Variants in GRM5 observed in about 807,000 individuals in gnomAD.
The protein encoded by GRM5 is glutamate metabotropic receptor 5, also known as metabotropic glutamate receptor 5.
GRM5 carries 19 observed loss-of-function variants against 83.1 expected under a neutral mutation model. The ratio of observed to expected loss-of-function variants is 0.23; its 90% confidence interval spans 0.16 to 0.34. GRM5 has a LOEUF of 0.34. Ranked by LOEUF, GRM5 falls within the 10% of genes least tolerant of loss-of-function variation. The pLI, the probability that GRM5 is intolerant of heterozygous loss-of-function variation, is 1.00. For missense variants in GRM5, 1,160 were observed against 1,588.3 expected (o/e 0.73, Z 4.58); for synonymous variants, 675 against 633.6 (o/e 1.07, Z -0.98).
At chr11:88,540,646 G>A (rs77658305) in intron 8 of GRM5, among the ~76,000 whole-genome samples, 13,972 of 152,080 alleles carry the variant, frequency 0.092, 1,219 homozygotes, top group African/African-American at 0.22. Flanking sequence ...TTCATGACAC[G>A]GGGAGGAGGG....
chr11:88,843,955 C>G lies in GRM5; in HGVS notation c.911+5951G>C, dbSNP rs1408631064. 2.6e-5 allele frequency among the ~76,000 whole-genome samples: 4 copies of G among 152,184 alleles called. No individual in the cohort carries two copies. The East Asian group carries it at 7.7e-4, about 29-fold the overall frequency. On this transcript the variant is annotated intron_variant, in intron 3 of 9. Transcript: ENST00000305447. Reference sequence around the variant, plus strand: ...TGTGTAAAGCTAGCAGAGGTTATTTCACGAGGTTGAAGACAGGAAACTGTC... The same window carrying G: ...TGTGTAAAGCTAGCAGAGGTTATTTGACGAGGTTGAAGACAGGAAACTGTC...
At chr11:88,620,375 G>A (rs1320539902) in intron 4 of GRM5, among the ~76,000 whole-genome samples, 1 of 152,164 alleles carries the variant, frequency 6.6e-6, no homozygotes, top group Non-Finnish European at 1.5e-5. Context: ...TAGAAAATCA[G>A]CACTATGTGG....
intron 3 of GRM5, among the ~76,000 whole-genome samples, chr11:88,684,444 T>C (rs935981023): frequency 2.6e-5 from 4 of 152,106 alleles, no homozygotes; most frequent in African/African-American, 9.7e-5. Flanking sequence ...GAAGTGCAAA[T>C]GTTAGCGATA....
intron 2 of GRM5, among the ~76,000 whole-genome samples, chr11:88,907,779 T>A (rs1945429981): frequency 6.6e-6 from 1 of 152,172 alleles, no homozygotes; most frequent in African/African-American, 2.4e-5. Flanking sequence ...TGAAAACTAG[T>A]AATTCAGAAA....
chr11:88,779,522 T>A (rs1034441612), intron 3 of GRM5, among the ~76,000 whole-genome samples: 3 of 152,078 alleles, frequency 2.0e-5, no homozygotes, highest in Non-Finnish European at 4.4e-5. Flanking sequence ...TATCTGAAAA[T>A]TTCAATAACA....
intron 2 of GRM5, among the ~76,000 whole-genome samples, chr11:88,962,943 G>T (rs1393856243): frequency 2.6e-5 from 4 of 152,154 alleles, no homozygotes; most frequent in Admixed American, 6.5e-5. Context: ...ACAAAAATTA[G>T]CCAGGCATGG....
At chr11:88,740,410 T>G (rs1565209192) in intron 3 of GRM5, among the ~76,000 whole-genome samples, 1 of 152,118 alleles carries the variant, frequency 6.6e-6, no homozygotes, top group Admixed American at 6.6e-5. Flanking sequence ...CTATTAAATA[T>G]ATCTTGGAGC....
At chr11:88,686,173 C>A (rs556157664) in intron 3 of GRM5, among the ~76,000 whole-genome samples, 1 of 152,188 alleles carries the variant, frequency 6.6e-6, no homozygotes, top group African/African-American at 2.4e-5. Flanking sequence ...GAGTCCACTT[C>A]TTGCATCAGT....
intron 4 of GRM5, among the ~76,000 whole-genome samples, chr11:88,650,304 A>G (rs1439429598): frequency 6.6e-6 from 1 of 152,018 alleles, no homozygotes; most frequent in Non-Finnish European, 1.5e-5. Context: ...TACAATTTAT[A>G]TAGCTGACAA....
intron 4 of GRM5, among the ~76,000 whole-genome samples, chr11:88,628,409 C>T (rs1206872334): frequency 6.6e-6 from 1 of 152,184 alleles, no homozygotes; most frequent in Non-Finnish European, 1.5e-5. Flanking sequence ...AAATTTAACT[C>T]ATGCCTTGAA....
At position 88,884,317 on chromosome 11, in the gene GRM5, A is replaced by G. The variant is rs1945007099; in HGVS notation, c.662-34162T>C. On this transcript the variant is annotated intron_variant, in intron 2 of 9. Transcript: ENST00000305447. ...CTGTTCTATTGGATTTTGGACTTGC[A>G]TGGAGCCTGAAGCCCCTTTGTTTTG... Among the ~76,000 whole-genome samples the G allele has an allele frequency of 2.6e-5, 4 of 152,326 alleles. No homozygotes were observed. In the South Asian group the frequency reaches 8.3e-4, roughly 32 times the overall value.
At chr11:88,566,775 A>T (rs1174115861) in intron 8 of GRM5, among the ~76,000 whole-genome samples, 1 of 151,964 alleles carries the variant, frequency 6.6e-6, no homozygotes, top group Non-Finnish European at 1.5e-5. Flanking sequence ...TTGTGAGCTA[A>T]CTCTGCTCTG....
At chr11:88,910,444 A>G (rs539453278) in intron 2 of GRM5, among the ~76,000 whole-genome samples, 1 of 152,180 alleles carries the variant, frequency 6.6e-6, no homozygotes, top group East Asian at 1.9e-4. Context: ...TCAAATACCT[A>G]GGAGTGGAAT....
At chr11:89,012,485 C>T (rs1389439229) in intron 2 of GRM5, among the ~76,000 whole-genome samples, 1 of 152,032 alleles carries the variant, frequency 6.6e-6, no homozygotes, top group Non-Finnish European at 1.5e-5. Context: ...TTTATTGTTG[C>T]AAATAGGGGT....
intron 4 of GRM5, among the ~76,000 whole-genome samples, chr11:88,620,893 A>G (rs1183948751): frequency 1.3e-5 from 2 of 152,208 alleles, no homozygotes; most frequent in South Asian, 2.1e-4. Flanking sequence ...AATGCAAATG[A>G]ACACAGCAGC....
chr11:88,969,206 TG>T (rs1213154930), intron 2 of GRM5, among the ~76,000 whole-genome samples: 3 of 152,080 alleles, frequency 2.0e-5, no homozygotes, highest in Non-Finnish European at 1.5e-5. Flanking sequence ...AAAACACCTA[TG>T]CTTTAAAAAA....
intron 4 of GRM5, among the ~76,000 whole-genome samples, chr11:88,641,329 C>A (rs1939287518): frequency 1.3e-5 from 2 of 152,058 alleles, no homozygotes; most frequent in African/African-American, 4.8e-5. Context: ...CCAAGACCCA[C>A]CTCCAACACT....
intron 2 of GRM5, among the ~76,000 whole-genome samples, chr11:89,008,466 G>A (rs2135083993): frequency 6.6e-6 from 1 of 152,104 alleles, no homozygotes; most frequent in Middle Eastern, 3.4e-3. Context: ...CATCTAAAAT[G>A]TTATTCTTCA....
intron 1 of GRM5, among the ~76,000 whole-genome samples, chr11:89,058,505 T>C (rs1941922499): frequency 6.6e-6 from 1 of 152,158 alleles, no homozygotes; most frequent in Non-Finnish European, 1.5e-5. Flanking sequence ...ATCGACATAG[T>C]CATGAAAGAA....
Sources: allele counts gnomAD v4.1 joint callset (sites outside exome capture counted in the v4.1 genomes callset), GRCh38; gene constraint gnomAD v4.1.1; transcripts MANE v1.5; gene names NCBI Gene and HGNC (gene_info 2026-07-23, HGNC 2026-07-21).